Variants in USP31 observed in about 807,000 individuals in gnomAD.
USP31 encodes the protein ubiquitin specific peptidase 31.
In USP31, 44 loss-of-function variants were observed where a neutral mutation model predicts 119.4. That is an observed-to-expected ratio of 0.37 (90% CI 0.29 to 0.47). The LOEUF is 0.47. Among genes scored for constraint, USP31 ranks in the 20% least tolerant of loss-of-function variants. The probability of loss-of-function intolerance (pLI) is 0.99; values close to 1 mark genes in which losing one functional copy is unlikely to be tolerated. For synonymous variants in USP31, 749 were observed against 705.6 expected (o/e 1.06, Z -0.97); for missense variants, 1,643 against 1,730.2 (o/e 0.95, Z 0.89).
Position 23,080,008 on chromosome 16 carries a change from T to C in USP31, c.2114A>G (p.Tyr705Cys), listed in dbSNP as rs1235044084. ...PYGLGRDPED[Y>C]IYDLYAVCNH... is the part of the protein sequence containing the mutation. The stretch of plus-strand genomic sequence containing the variant: ...GCACACAGCATACAGGTCATAGATG[T>C]AGTCCTCAGGGTCCCTCCCGAGTCC... Residue 705 changes from tyrosine to cysteine, a missense_variant, in exon 13 of 16, where the codon TAC becomes TGC. Tyr to Cys is a radical substitution (Grantham distance 194). Coordinates refer to ENST00000219689, the MANE Select transcript of USP31 (RefSeq NM_020718.4). 14 of 1,613,962 alleles carry C rather than the reference T, an allele frequency of 8.7e-6. No individual in the cohort carries two copies. The highest frequency in any genetic ancestry group is 1.1e-5 in the South Asian group (1 of 91,078).
chr16:23,068,419 A>C lies in USP31; in HGVS notation c.3686T>G (p.Phe1229Cys), dbSNP rs1900182945. The C allele has an allele frequency of 6.2e-7, 1 of 1,613,614 alleles. No individual in the cohort carries two copies. The highest frequency in any genetic ancestry group is 1.1e-5 in the South Asian group (1 of 91,076). Residue 1229 changes from phenylalanine (F) to cysteine (C), a missense_variant, in exon 16 of 16, where the codon TTC becomes TGC. Transcript: ENST00000219689. ...SKSEDKGLSF[F>C]KSALRQKETR... ...TTCCTTCTGTCTCAAGGCTGATTTG[A>C]AGAAGGACAGCCCCTTGTCCTCAGA...
At chr16:23,131,801 A>C (rs1903038178) in intron 1 of USP31, among the ~76,000 whole-genome samples, 1 of 152,166 alleles carries the variant, frequency 6.6e-6, no homozygotes. Flanking sequence ...TTGTTTCTTA[A>C]ATCTCCTGAC....
At chr16:23,113,271 T>C (rs538344181) in intron 1 of USP31, among the ~76,000 whole-genome samples, 25 of 152,200 alleles carry the variant, frequency 1.6e-4, no homozygotes, top group Non-Finnish European at 7.3e-5. Flanking sequence ...CAAGTGAGGT[T>C]AAATCTGGTG....
intron 4 of USP31, 89 bp from the exon 5 acceptor site, chr16:23,105,665 A>C: frequency 7.4e-7 from 1 of 1,350,994 alleles, no homozygotes. Flanking sequence ...CGAAATCAAC[A>C]AAAAACTAAA....
At chr16:23,099,348 G>A (rs1901751076) in intron 6 of USP31, among the ~76,000 whole-genome samples, 1 of 152,196 alleles carries the variant, frequency 6.6e-6, no homozygotes, top group Non-Finnish European at 1.5e-5. Flanking sequence ...TGGAGAAATA[G>A]GAATGCTTTT....
intron 15 of USP31, 110 bp from the exon 16 acceptor site, chr16:23,069,726 A>G: frequency 7.1e-7 from 1 of 1,404,458 alleles, no homozygotes. Context: ...TGAAAGGAGC[A>G]TGACCTTCAG....
In USP31 at chr16:23,069,351, A is replaced by G; in HGVS notation, c.2754T>C (p.Leu918=). The G allele has an allele frequency of 6.2e-7, 1 of 1,604,342 alleles. No individual in the cohort carries two copies. The highest frequency in any genetic ancestry group is 8.5e-7 in the Non-Finnish European group (1 of 1,173,778). ...SISCFGSLRN[L]SSSYQEPSDS... ...CGCTTGGTTCCTGGTAACTGCTAGA[A>G]AGGTTCCGCAAGCTACCAAAGCAAG... The change falls in exon 16 of 16, where the codon CTT becomes CTC. Residue 918 remains leucine (L), a synonymous_variant. Coordinates refer to ENST00000219689, the MANE Select transcript of USP31 (RefSeq NM_020718.4).
chr16:23,072,096 C>T lies in USP31; in HGVS notation c.2437G>A (p.Ala813Thr). The T allele has an allele frequency of 6.2e-7, 1 of 1,613,794 alleles. No individual in the cohort carries two copies. The highest frequency in any genetic ancestry group is 1.3e-5 in the African/African-American group (1 of 75,040). Residue 813 changes from alanine (A) to threonine (T), a missense_variant, in exon 15 of 16, where the codon GCG (alanine) becomes ACG (threonine). Physicochemically the swap from Ala to Thr is moderately conservative, Grantham distance 58. Coordinates refer to ENST00000219689, the MANE Select transcript of USP31 (RefSeq NM_020718.4). Reference sequence around the variant, plus strand: ...ATCTCCACGGACTCAGAGAGCGACGCCAGGGAGGTGCGTCTGGAGGAAGCT... The same window carrying T: ...ATCTCCACGGACTCAGAGAGCGACGTCAGGGAGGTGCGTCTGGAGGAAGCT... The part of the protein sequence containing the change: ...SAASSRRTSL[A>T]SLSESVEMTG...
intron 1 of USP31, among the ~76,000 whole-genome samples, chr16:23,121,906 C>T (rs1902681142): frequency 6.6e-6 from 1 of 152,082 alleles, no homozygotes; most frequent in South Asian, 2.1e-4. Flanking sequence ...GATTTATGTA[C>T]AAAATACATT....
intron 1 of USP31, among the ~76,000 whole-genome samples, chr16:23,115,369 G>C (rs1033214061): frequency 7.9e-5 from 12 of 152,172 alleles, no homozygotes; most frequent in African/African-American, 2.7e-4. Flanking sequence ...ATAGAAAATA[G>C]AATGTGGGCC....
chr16:23,079,890 G>A lies in USP31; in HGVS notation c.2176+56C>T, dbSNP rs1900739549. The A allele has an allele frequency of 3.4e-6, 5 of 1,471,328 alleles. No homozygotes were observed. In the African/African-American group the frequency reaches 5.8e-5, roughly 17 times the overall value. The allele number at this position is 1,471,328 out of a possible 1,614,324, so 91.1% of individuals were successfully genotyped here. A position where few individuals can be genotyped will look rare whatever the true frequency, so the allele number is the denominator to read the frequency against. Reference sequence around the variant, plus strand: ...CTAAAGTCAAGTCACCCTGCCACAAGCAAACCCGTCTGAAGGACTCGCCAG... The same window carrying A: ...CTAAAGTCAAGTCACCCTGCCACAAACAAACCCGTCTGAAGGACTCGCCAG... On this transcript the variant is annotated intron_variant, in intron 13 of 15. Transcript: ENST00000219689.
intron 13 of USP31, chr16:23,079,417 G>A (rs1054347415): frequency 6.6e-6 from 1 of 152,108 alleles, no homozygotes; most frequent in Non-Finnish European, 1.5e-5. Context: ...CACTATAAAA[G>A]TGTCATGCAC....
intron 1 of USP31, among the ~76,000 whole-genome samples, chr16:23,147,365 T>C (rs1187215307): frequency 1.3e-5 from 2 of 151,574 alleles, no homozygotes; most frequent in Admixed American, 6.6e-5. Flanking sequence ...CGCCTTGGCC[T>C]CCCAAAGTGC....
At chr16:23,122,994 T>TA (rs1902724531) in intron 1 of USP31, among the ~76,000 whole-genome samples, 1 of 152,186 alleles carries the variant, frequency 6.6e-6, no homozygotes, top group Admixed American at 6.5e-5. Flanking sequence ...TCACTCATAA[T>TA]AAAGTCCAAC....
intron 1 of USP31, chr16:23,115,753 A>C (rs1902466808): frequency 3.0e-6 from 3 of 984,106 alleles, no homozygotes; most frequent in Admixed American, 1.2e-4. Context: ...AGTAAAAGGC[A>C]AAACACTTAC....
chr16:23,125,555 T>C (rs1380376305), intron 1 of USP31, among the ~76,000 whole-genome samples: 3 of 152,214 alleles, frequency 2.0e-5, no homozygotes, highest in Non-Finnish European at 4.4e-5. Context: ...TACTCTCCTT[T>C]CTTCCTGTCA....
intron 1 of USP31, among the ~76,000 whole-genome samples, chr16:23,112,273 T>C (rs1902342096): frequency 6.6e-6 from 1 of 152,164 alleles, no homozygotes; most frequent in South Asian, 2.1e-4. Context: ...TCTATCTCCC[T>C]TTAGCATTAT....
intron 7 of USP31, among the ~76,000 whole-genome samples, chr16:23,090,259 G>A (rs967658877): frequency 4.6e-5 from 7 of 152,056 alleles, no homozygotes; most frequent in Non-Finnish European, 1.0e-4. Flanking sequence ...GGTGGCTGGC[G>A]CCTATAATCC....
At chr16:23,133,612 T>C (rs1009263321) in intron 1 of USP31, among the ~76,000 whole-genome samples, 1 of 152,186 alleles carries the variant, frequency 6.6e-6, no homozygotes, top group Non-Finnish European at 1.5e-5. Context: ...GAACAGGCAG[T>C]TCTTTAATAG....
Sources: allele counts gnomAD v4.1 joint callset (sites outside exome capture counted in the v4.1 genomes callset), GRCh38; gene constraint gnomAD v4.1.1; transcripts MANE v1.5; gene names NCBI Gene and HGNC (gene_info 2026-07-23, HGNC 2026-07-21).